TENM2: variants seen among roughly 807,000 people sequenced by gnomAD.
The protein encoded by TENM2 is teneurin-2.
TENM2 carries 52 observed loss-of-function variants against 245.2 expected under a neutral mutation model. The ratio of observed to expected loss-of-function variants is 0.21; its 90% CI spans 0.17 to 0.27. The LOEUF is 0.27. Among genes scored for constraint, TENM2 ranks in the 10% least tolerant of loss-of-function variants. The pLI is 1.00. For synonymous variants in TENM2, 1,363 were observed against 1,438.9 expected, an observed-to-expected ratio of 0.95 and a Z score of 1.19; for missense variants, 3,046 against 3,666.8, an observed-to-expected ratio of 0.83 and a Z score of 4.37.
intron 10 of TENM2, among the ~76,000 whole-genome samples, chr5:168,121,745 G>C (rs1390208758): frequency 1.3e-5 from 2 of 150,944 alleles, no homozygotes; most frequent in African/African-American, 4.9e-5. Context: ...GCTCCTAGCT[G>C]CTGGCACCTC....
the TENM2 span, among the ~76,000 whole-genome samples, chr5:167,222,456 C>G: frequency 6.6e-6 from 1 of 152,314 alleles, no homozygotes; most frequent in East Asian, 1.9e-4. Flanking sequence ...GATTTATTAT[C>G]ATGTTATCAG....
chr5:167,609,824 G>A (rs1463936322), intron 2 of TENM2, among the ~76,000 whole-genome samples: 1 of 152,118 alleles, frequency 6.6e-6, no homozygotes, highest in Non-Finnish European at 1.5e-5. Flanking sequence ...TCACCAAAAT[G>A]TGTGGAGATT....
chr5:168,089,692 A>T (rs1355481352), intron 7 of TENM2, among the ~76,000 whole-genome samples: 1 of 152,216 alleles, frequency 6.6e-6, no homozygotes, highest in Non-Finnish European at 1.5e-5. Flanking sequence ...GTGTGACTTT[A>T]GAAAAGTTGC....
chr5:168,168,256 G>A (rs925912772), intron 13 of TENM2, among the ~76,000 whole-genome samples: 3 of 152,158 alleles, frequency 2.0e-5, no homozygotes, highest in Admixed American at 2.0e-4. Context: ...AAATAATGGT[G>A]TTCCCTGGGT....
chr5:167,424,172 C>A (rs1008655440), intron 2 of TENM2, among the ~76,000 whole-genome samples: 2 of 146,710 alleles, frequency 1.4e-5, no homozygotes, highest in Non-Finnish European at 3.0e-5. Context: ...ACATGCCCCA[C>A]CTGACGTCCT....
chr5:168,215,359 C>T lies in TENM2; in HGVS notation c.4078+87C>T. The T allele has an allele frequency of 3.8e-6, 4 of 1,056,714 alleles. No individual in the cohort carries two copies. In the South Asian group the frequency reaches 5.5e-5, roughly 15 times the overall value. The allele number at this position is 1,056,714 out of a possible 1,614,324, so 65.5% of individuals were successfully genotyped here. On this transcript the variant is annotated intron_variant, in intron 21 of 28. Coordinates refer to ENST00000518659, the Ensembl canonical transcript of TENM2. ...CTTCTCATCAGAACTTAACTAAGTCCAGCAGTCCAAAACACAGCTTTCCCT... is the reference window on the plus strand; with the variant it reads ...CTTCTCATCAGAACTTAACTAAGTCTAGCAGTCCAAAACACAGCTTTCCCT...
chr5:168,005,906 C>G (rs1784786649), intron 5 of TENM2, among the ~76,000 whole-genome samples: 3 of 152,122 alleles, frequency 2.0e-5, no homozygotes, highest in Admixed American at 6.5e-5. Flanking sequence ...ACAGGAGAAG[C>G]ATTCCTTTGT....
chr5:167,578,891 C>T (rs940882718), intron 2 of TENM2, among the ~76,000 whole-genome samples: 8 of 152,092 alleles, frequency 5.3e-5, no homozygotes, highest in Non-Finnish European at 1.2e-4. Context: ...ACAGAGTTCA[C>T]GATGAGAAGG....
rs1318647327 is a variant in TENM2, at chr5:167,842,160, G to A, written c.503-33826G>A. ...CAAGAAGCTGGCGTCATTGCCATCT[G>A]TAGTACTCTAAAAGAAGCATTCGGC... is the stretch of plus-strand genomic sequence containing the variant. On this transcript the variant is annotated intron_variant, in intron 2 of 28. Transcript: ENST00000518659. Among the ~76,000 whole-genome samples the A allele has an allele frequency of 2.6e-5, 4 of 152,074 alleles. No individual in the cohort carries two copies. In the South Asian group the frequency reaches 8.3e-4, roughly 32 times the overall value.
At chr5:168,168,321 A>T (rs540864425) in intron 13 of TENM2, among the ~76,000 whole-genome samples, 4 of 152,224 alleles carry the variant, frequency 2.6e-5, no homozygotes, top group African/African-American at 9.6e-5. Context: ...TTCCCCTAAA[A>T]TCCCCAGAAC....
At chr5:167,172,878 G>A in the TENM2 span, among the ~76,000 whole-genome samples, 4 of 151,764 alleles carry the variant, frequency 2.6e-5, no homozygotes, top group Non-Finnish European at 5.9e-5. Context: ...GAAATCCCTG[G>A]GAAAGTCTCT....
intron 2 of TENM2, among the ~76,000 whole-genome samples, chr5:167,664,765 A>G (rs1755460779): frequency 6.6e-6 from 1 of 152,254 alleles, no homozygotes; most frequent in African/African-American, 2.4e-5. Context: ...CTTTTATAGT[A>G]GTACCAAGGG....
the TENM2 span, among the ~76,000 whole-genome samples, chr5:167,176,661 G>A: frequency 1.3e-5 from 2 of 152,158 alleles, no homozygotes; most frequent in African/African-American, 4.8e-5. Flanking sequence ...CCATTGGTAC[G>A]TAATTACTTC....
chr5:168,158,823 G>GTATA (rs1457207916), intron 12 of TENM2, among the ~76,000 whole-genome samples: 1 of 64,450 alleles, frequency 1.6e-5, no homozygotes, highest in African/African-American at 6.2e-5. Context: ...GTGTGTGTGT[G>GTATA]TGTGTGTATA....
intron 2 of TENM2, among the ~76,000 whole-genome samples, chr5:167,862,574 T>C (rs1412727580): frequency 6.6e-6 from 1 of 152,186 alleles, no homozygotes; most frequent in Non-Finnish European, 1.5e-5. Flanking sequence ...TTCATGCTTC[T>C]TTGTGCCCCA....
chr5:168,224,563 G>A (rs749327898), intron 23 of TENM2, among the ~76,000 whole-genome samples: 13 of 152,066 alleles, frequency 8.5e-5, no homozygotes, highest in South Asian at 2.1e-4. Flanking sequence ...AGCCCTAAGC[G>A]ACAACATCCA....
chr5:167,191,339 G>GCAAC, the TENM2 span, among the ~76,000 whole-genome samples: 1 of 151,926 alleles, frequency 6.6e-6, no homozygotes, highest in Admixed American at 6.6e-5. Flanking sequence ...TAGATTGGTT[G>GCAAC]ACTGCAACTT....
the TENM2 span, among the ~76,000 whole-genome samples, chr5:167,272,120 A>G: frequency 6.6e-6 from 1 of 152,144 alleles, no homozygotes; most frequent in African/African-American, 2.4e-5. Context: ...TGGGGATGGA[A>G]GGAGGCAGAC....
intron 2 of TENM2, among the ~76,000 whole-genome samples, chr5:167,537,834 G>A (rs1043776881): frequency 6.6e-6 from 1 of 152,204 alleles, no homozygotes; most frequent in Non-Finnish European, 1.5e-5. Flanking sequence ...TTATTAAGGA[G>A]TAGGATGCCT....
Sources: allele counts gnomAD v4.1 joint callset (sites outside exome capture counted in the v4.1 genomes callset), GRCh38; gene constraint gnomAD v4.1.1; transcripts MANE v1.5; gene names NCBI Gene and HGNC (gene_info 2026-07-23, HGNC 2026-07-21).